KIRREL3: variants seen among roughly 807,000 people sequenced by gnomAD.
The protein encoded by KIRREL3 is kin of IRRE-like protein 3.
Under a neutral mutation model 89.7 loss-of-function variants are expected in KIRREL3, and 36 were observed. The ratio of observed to expected loss-of-function variants is 0.40; its 90% CI spans 0.31 to 0.53. KIRREL3 has a LOEUF of 0.53. KIRREL3 is among the 20% of genes least tolerant of loss of function. KIRREL3 has a pLI of 0.49. For synonymous variants in KIRREL3, 445 were observed against 441.4 expected, an observed-to-expected ratio of 1.01 and a Z score of -0.10; for missense variants, 864 against 1,056.6, an observed-to-expected ratio of 0.82 and a Z score of 2.53.
chr11:126,889,238 C>T lies in KIRREL3; in HGVS notation c.55+111217G>A, dbSNP rs149516451. On this transcript the variant is annotated intron_variant, in intron 1 of 16. Coordinates refer to ENST00000525144, the MANE Select transcript of KIRREL3 (RefSeq NM_032531.4). ...CCTCCCCCTCTTTATTCTCCCCCTG[C>T]CCCTCAAGTACCCAGGGATCTGCTT... Among the ~76,000 whole-genome samples the T allele has an allele frequency of 2.6e-4, 39 of 151,300 alleles. 1 individual carries two copies. In the East Asian group the frequency reaches 7.6e-3, roughly 30 times the overall value.
chr11:126,451,097 CCATGTGCATGTGTG>C (rs1349568808), intron 7 of KIRREL3, among the ~76,000 whole-genome samples: 4 of 104,236 alleles, frequency 3.8e-5, no homozygotes, highest in Admixed American at 9.9e-5. Context: ...GCATATGTGT[CCATGTGCATGTGTG>C]CATGTGTGTG....
In KIRREL3 at chr11:126,652,449, G is replaced by T. The variant is rs1944944542; in HGVS notation, c.56-89537C>A. Among the ~76,000 whole-genome samples the T allele has an allele frequency of 6.6e-6, 1 of 152,188 alleles. No homozygotes were observed. The highest frequency in any genetic ancestry group is 1.5e-5 in the Non-Finnish European group (1 of 68,040). ...AGCCCATTCTAAATGGTAGGCAAGT[G>T]CTAGATATTTGGCTCACACATTTCA... is the stretch of plus-strand genomic sequence containing the variant. On this transcript the variant is annotated intron_variant, in intron 1 of 16. Coordinates refer to ENST00000525144, the MANE Select transcript of KIRREL3 (RefSeq NM_032531.4). The surrounding 1 kb of genome is among the most constrained non-coding windows in gnomAD (Gnocchi z 4.9).
rs1359972578 is a variant in KIRREL3, at chr11:126,454,378, C to T, written c.848+1971G>A. Among the ~76,000 whole-genome samples, 1 of 152,116 alleles carries T rather than the reference C, an allele frequency of 6.6e-6. No individual in the cohort carries two copies. The highest frequency in any genetic ancestry group is 1.5e-5 in the Non-Finnish European group (1 of 68,020). On this transcript the variant is annotated intron_variant, in intron 7 of 16. Transcript: ENST00000525144. This position sits in a 1 kb window ranked among gnomAD's most constrained non-coding sequence, Gnocchi z 5.8. ...CACTAGGACCCCAGGTGACCAGAGC[C>T]TGGCAGTGAGGAGAAACGAAAGTCG...
rs1362696958 is a variant in KIRREL3, at chr11:126,423,941, CCAAGGA to C, written c.*633_*638del. On this transcript the variant is annotated 3_prime_UTR_variant, in exon 17 of 17. Transcript: ENST00000525144. ...ACCGCAGAGTTCAGCGGCATCAAGT[CCAAGGA>C]CAGAACTGCAAGAGTATGGACACAA... is the stretch of plus-strand genomic sequence containing the variant. The C allele has an allele frequency of 6.5e-6, 1 of 154,984 alleles. No homozygotes were observed. Among genetic ancestry groups the C allele is most frequent in the Non-Finnish European group, 1.4e-5 (1 of 69,826 alleles). 9.6% of individuals were successfully genotyped at this position (154,984 alleles called of 1,614,324 possible). A position where few individuals can be genotyped will look rare whatever the true frequency, so the allele number is the denominator to read the frequency against.
At chr11:126,730,584 C>G (rs763907642) in intron 1 of KIRREL3, among the ~76,000 whole-genome samples, 104 of 152,306 alleles carry the variant, frequency 6.8e-4, no homozygotes, top group Non-Finnish European at 1.2e-3. Context: ...CTGATGGTCA[C>G]AACGAAGTGG....
Position 126,897,700 on chromosome 11 carries a change from T to C in KIRREL3, c.55+102755A>G, listed in dbSNP as rs1266254959. Among the ~76,000 whole-genome samples the C allele has an allele frequency of 6.6e-6, 1 of 152,236 alleles. No homozygotes were observed. The highest frequency in any genetic ancestry group is 1.5e-5 in the Non-Finnish European group (1 of 68,048). On this transcript the variant is annotated intron_variant, in intron 1 of 16. Transcript: ENST00000525144. The surrounding 1 kb of genome is among the most constrained non-coding windows in gnomAD (Gnocchi z 4.2). ...ATAATTTGGTTAAATCTTTTCCACT[T>C]TGATTTCATCTCCAGTTTCGGACGA...
chr11:126,869,680 T>C (rs1945045568), intron 1 of KIRREL3, among the ~76,000 whole-genome samples: 1 of 152,094 alleles, frequency 6.6e-6, no homozygotes, highest in Admixed American at 6.5e-5. Context: ...ATCATAGTGT[T>C]CAACTTACAC....
In KIRREL3 at chr11:126,628,212, G is replaced by T. The variant is rs190003526; in HGVS notation, c.56-65300C>A. 4.4e-3 allele frequency among the ~76,000 whole-genome samples: 677 copies of T among 152,264 alleles called. 3 individuals carry two copies. Among genetic ancestry groups the T allele is most frequent in the Non-Finnish European group, 6.5e-3 (443 of 68,024 alleles). ...GCCTGCATCCCACTGCACTGTCTGA[G>T]CACTCATCAAGACCTGCTCACCACC... is the stretch of plus-strand genomic sequence containing the variant. On this transcript the variant is annotated intron_variant, in intron 1 of 16. Coordinates refer to ENST00000525144, the MANE Select transcript of KIRREL3 (RefSeq NM_032531.4). This position sits in a 1 kb window ranked among gnomAD's most constrained non-coding sequence, Gnocchi z 5.2.
rs1956625127 is a variant in KIRREL3 at position 126,463,678 on chromosome 11, G to A, written c.592-371C>T. Among the ~76,000 whole-genome samples the A allele has an allele frequency of 6.6e-6, 1 of 152,198 alleles. No individual in the cohort carries two copies. The highest frequency in any genetic ancestry group is 1.9e-4 in the East Asian group (1 of 5,186). ...TTTTGCCTCTGGTGCTTGAGTGACAGTCTCAGGCTCTGTAGGAAGCAACGA... is the reference window on the plus strand; with the variant it reads ...TTTTGCCTCTGGTGCTTGAGTGACAATCTCAGGCTCTGTAGGAAGCAACGA... On this transcript the variant is annotated intron_variant, in intron 5 of 16. Coordinates refer to ENST00000525144, the MANE Select transcript of KIRREL3 (RefSeq NM_032531.4). The surrounding 1 kb of genome is among the most constrained non-coding windows in gnomAD (Gnocchi z 5.9).
Position 126,520,890 on chromosome 11 carries a change from AGGT to A in KIRREL3, c.433+422_433+424del, listed in dbSNP as rs1485116692. On this transcript the variant is annotated intron_variant, in intron 4 of 16. Transcript: ENST00000525144. The surrounding 1 kb of genome is among the most constrained non-coding windows in gnomAD (Gnocchi z 4.9). Reference sequence around the variant, plus strand: ...GAGAATCGGGCTGATTCTACAGAGAAGGTGGAAAGATAGGGCTTTGTTAGCACC... The same window carrying A: ...GAGAATCGGGCTGATTCTACAGAGAAGGAAAGATAGGGCTTTGTTAGCACC... 2.0e-5 allele frequency among the ~76,000 whole-genome samples: 3 copies of A among 152,174 alleles called. No homozygotes were observed. Among genetic ancestry groups the A allele is most frequent in the Non-Finnish European group, 4.4e-5 (3 of 68,024 alleles).
At position 126,575,260 on chromosome 11, in the gene KIRREL3, G is replaced by T. The variant is rs982533633; in HGVS notation, c.56-12348C>A. On this transcript the variant is annotated intron_variant, in intron 1 of 16. Transcript: ENST00000525144. The surrounding 1 kb of genome is among the most constrained non-coding windows in gnomAD (Gnocchi z 7.0). Reference sequence around the variant, plus strand: ...GGCAGGTTCTCTCTTGGCTCCTGAGGCCAAGAGAAGCCAGCCTAGGAAGGT... The same window carrying T: ...GGCAGGTTCTCTCTTGGCTCCTGAGTCCAAGAGAAGCCAGCCTAGGAAGGT... 6.6e-6 allele frequency among the ~76,000 whole-genome samples: 1 copy of T among 152,174 alleles called. No individual in the cohort carries two copies. The highest frequency in any genetic ancestry group is 1.5e-5 in the Non-Finnish European group (1 of 68,036).
At chr11:126,974,323 G>A (rs994077188) in intron 1 of KIRREL3, among the ~76,000 whole-genome samples, 3 of 152,072 alleles carry the variant, frequency 2.0e-5, no homozygotes, top group Non-Finnish European at 4.4e-5. Context: ...ATCACTTAAC[G>A]GAGATACGTT....
Position 126,455,334 on chromosome 11 carries a change from C to T in KIRREL3, c.848+1015G>A, listed in dbSNP as rs574041106. On this transcript the variant is annotated intron_variant, in intron 7 of 16. Coordinates refer to ENST00000525144, the MANE Select transcript of KIRREL3 (RefSeq NM_032531.4). This position sits in a 1 kb window ranked among gnomAD's most constrained non-coding sequence, Gnocchi z 6.4. ...CAGTGACAGTGCCCAGGCAGAAAGG[C>T]GCCCAGAGGAAGCGTGTGTTTATTG... Among the ~76,000 whole-genome samples the T allele has an allele frequency of 5.3e-5, 8 of 152,286 alleles. No individual in the cohort carries two copies. The South Asian group carries it at 1.2e-3, about 24-fold the overall frequency.
intron 2 of KIRREL3, among the ~76,000 whole-genome samples, chr11:126,559,002 A>G: frequency 6.6e-6 from 1 of 152,132 alleles, no homozygotes; most frequent in East Asian, 1.9e-4. Context: ...ATCTACTTAA[A>G]GATGTCCTGA....
At chr11:126,799,103 TG>T (rs1950907552) in intron 1 of KIRREL3, among the ~76,000 whole-genome samples, 1 of 148,840 alleles carries the variant, frequency 6.7e-6, no homozygotes, top group African/African-American at 2.5e-5. Context: ...TATCTGTGCG[TG>T]GATGTGTGTA....
At chr11:126,626,720 C>T (rs370716042) in intron 1 of KIRREL3, among the ~76,000 whole-genome samples, 51 of 152,282 alleles carry the variant, frequency 3.3e-4, no homozygotes, top group African/African-American at 1.1e-3. Flanking sequence ...TGGCTGGGCG[C>T]GGTGGCTCAC....
At position 126,424,853 on chromosome 11, in the gene KIRREL3, G is replaced by C; in HGVS notation, c.2064C>G (p.Leu688=). The change falls in exon 17 of 17, where the codon CTC becomes CTG. Residue 688 remains leucine, a synonymous_variant. Transcript: ENST00000525144. The stretch of plus-strand genomic sequence containing the variant: ...GCACAAACCGCTGCCCGTAGTCGTA[G>C]AGGCGGCCCTGGCCGCTCAGGGTGC... The part of the protein sequence containing the change: ...IYSTLSGQGR[L]YDYGQRFVLG... 1.2e-6 allele frequency: 2 copies of C among 1,613,982 alleles called. No homozygotes were observed. Among genetic ancestry groups the C allele is most frequent in the South Asian group, 2.2e-5 (2 of 91,086 alleles).
At chr11:126,986,034 C>T (rs1345388620) in intron 1 of KIRREL3, among the ~76,000 whole-genome samples, 3 of 152,144 alleles carry the variant, frequency 2.0e-5, no homozygotes, top group South Asian at 2.1e-4. Flanking sequence ...CAATCCACCA[C>T]CTGTGCCTTT....
At chr11:126,913,316 G>T (rs1661819187) in intron 1 of KIRREL3, among the ~76,000 whole-genome samples, 1 of 152,236 alleles carries the variant, frequency 6.6e-6, no homozygotes, top group South Asian at 2.1e-4. Flanking sequence ...TGAGTCCATT[G>T]TTCTCAGGGC....
Sources: allele counts gnomAD v4.1 joint callset (sites outside exome capture counted in the v4.1 genomes callset), GRCh38; gene constraint gnomAD v4.1.1; non-coding constraint Gnocchi (gnomAD v3.1); transcripts MANE v1.5; gene names NCBI Gene and HGNC (gene_info 2026-07-23, HGNC 2026-07-21).